Variants in COL21A1 observed in about 807,000 individuals in gnomAD.
COL21A1 encodes the protein collagen alpha-1(XXI) chain.
A neutral mutation model predicts 137.9 loss-of-function variants in COL21A1; 149 were observed. The ratio of observed to expected loss-of-function variants is 1.08; its 90% CI spans 0.95 to 1.24. The LOEUF (loss-of-function observed/expected upper bound fraction) is 1.24. COL21A1 is among the 50% of genes most tolerant of loss of function. The pLI is 0.00. For missense variants in COL21A1, 1,167 were observed against 1,158.4 expected, an observed-to-expected ratio of 1.01 and a Z score of -0.11; for synonymous variants, 456 against 391.5, an observed-to-expected ratio of 1.16 and a Z score of -1.95.
intron 1 of COL21A1, among the ~76,000 whole-genome samples, chr6:56,384,944 G>A (rs939936661): frequency 1.1e-4 from 16 of 152,194 alleles, no homozygotes; most frequent in Non-Finnish European, 2.4e-4. Flanking sequence ...GGTCACAATT[G>A]CAAGGATAGA....
chr6:56,102,751 T>C (rs2152170446), intron 16 of COL21A1, among the ~76,000 whole-genome samples: 1 of 152,290 alleles, frequency 6.6e-6, no homozygotes, highest in East Asian at 1.9e-4. Context: ...CTCCCACTTG[T>C]ATGAATTCCT....
chr6:56,087,568 A>T (rs1247249702), intron 17 of COL21A1, among the ~76,000 whole-genome samples: 1 of 152,206 alleles, frequency 6.6e-6, no homozygotes, highest in African/African-American at 2.4e-5. Flanking sequence ...CAGAAAAAGC[A>T]TTCTGTCATC....
chr6:56,189,196 A>G (rs1357601459), intron 1 of COL21A1, among the ~76,000 whole-genome samples: 1 of 152,092 alleles, frequency 6.6e-6, no homozygotes, highest in East Asian at 1.9e-4. Flanking sequence ...GTTCTAACCC[A>G]ATGTAAGGAA....
Position 56,158,266 on chromosome 6 carries a change from C to CTTT in COL21A1, c.1372-1320_1372-1318dup, listed in dbSNP as rs67453245. Among the ~76,000 whole-genome samples, 418 of 62,426 alleles carry CTTT rather than the reference C, an allele frequency of 6.7e-3. 19 individuals carry two copies. Among genetic ancestry groups the CTTT allele is most frequent in the Middle Eastern group, 0.015 (1 of 66 alleles). 41.0% of individuals were successfully genotyped at this position (62,426 alleles called of 152,430 possible). ...CGTGGGTTTTTTCTTTTTTTTTTTT[C>CTTT]TTTTTTTTTTTTTTTTTTTTTTCTG... On this transcript the variant is annotated intron_variant, in intron 9 of 29. Coordinates refer to ENST00000244728, the MANE Select transcript of COL21A1 (RefSeq NM_030820.4).
chr6:56,061,719 A>T (rs768904661), intron 24 of COL21A1, 38 bp from the exon 25 acceptor site: 1 of 1,426,944 alleles, frequency 7.0e-7, no homozygotes, highest in Non-Finnish European at 9.7e-7. Context: ...TAAATGTGCA[A>T]GCTACAGTAC....
At chr6:56,159,655 G>A (rs536487741) in intron 9 of COL21A1, among the ~76,000 whole-genome samples, 15 of 55,440 alleles carry the variant, frequency 2.7e-4, no homozygotes, top group African/African-American at 5.7e-4. Flanking sequence ...TTTTTTTTTT[G>A]GTACAATGCT....
intron 1 of COL21A1, among the ~76,000 whole-genome samples, chr6:56,275,680 C>T (rs1356153206): frequency 1.3e-5 from 2 of 151,976 alleles, no homozygotes; most frequent in African/African-American, 2.4e-5. Context: ...TAGATACCAT[C>T]TCACACCAGT....
chr6:56,144,313 T>C (rs1403261479), intron 10 of COL21A1, among the ~76,000 whole-genome samples: 9 of 152,184 alleles, frequency 5.9e-5, no homozygotes, highest in Admixed American at 5.9e-4. Context: ...CAGAAAGTGC[T>C]TTATGGCGGG....
intron 17 of COL21A1, chr6:56,091,463 T>C (rs1352093764): frequency 1.3e-5 from 2 of 152,620 alleles, no homozygotes; most frequent in Non-Finnish European, 2.9e-5. Context: ...ATAAAACTGC[T>C]AAGGCCATCC....
At chr6:56,139,987 A>T (rs1169936811) in intron 12 of COL21A1, among the ~76,000 whole-genome samples, 1 of 152,174 alleles carries the variant, frequency 6.6e-6, no homozygotes, top group African/African-American at 2.4e-5. Flanking sequence ...ATGAGTTTGT[A>T]CAGAGTCTGG....
intron 1 of COL21A1, among the ~76,000 whole-genome samples, chr6:56,305,241 T>C (rs1374231071): frequency 4.6e-5 from 7 of 152,168 alleles, no homozygotes; most frequent in Non-Finnish European, 8.8e-5. Context: ...TGTAGATGTC[T>C]ATTAGGTCTG....
At chr6:56,095,764 G>A (rs1447048522) in intron 17 of COL21A1, among the ~76,000 whole-genome samples, 1 of 152,170 alleles carries the variant, frequency 6.6e-6, no homozygotes, top group African/African-American at 2.4e-5. Context: ...ATTTGGCCAA[G>A]AGAGTTGTGT....
intron 9 of COL21A1, among the ~76,000 whole-genome samples, chr6:56,160,776 A>G (rs949200981): frequency 6.6e-6 from 1 of 152,240 alleles, no homozygotes; most frequent in Non-Finnish European, 1.5e-5. Context: ...AGTAATGTAA[A>G]TATAAATAAA....
chr6:56,085,486 T>C (rs556524292), intron 17 of COL21A1, among the ~76,000 whole-genome samples: 2 of 152,268 alleles, frequency 1.3e-5, no homozygotes, highest in Admixed American at 6.5e-5. Flanking sequence ...TCAAAGCTTA[T>C]TTAACCAGAC....
intron 1 of COL21A1, among the ~76,000 whole-genome samples, chr6:56,364,098 A>G (rs1324178281): frequency 6.6e-6 from 1 of 152,032 alleles, no homozygotes; most frequent in Non-Finnish European, 1.5e-5. Flanking sequence ...GAAAAAACAA[A>G]TATCTACATC....
intron 12 of COL21A1, among the ~76,000 whole-genome samples, chr6:56,137,061 C>G (rs957311483): frequency 1.3e-4 from 20 of 152,080 alleles, no homozygotes; most frequent in African/African-American, 2.2e-4. Flanking sequence ...AAAAGAAAGC[C>G]AGATTGGGAT....
intron 17 of COL21A1, among the ~76,000 whole-genome samples, chr6:56,100,978 G>C (rs1190354951): frequency 6.6e-6 from 1 of 152,164 alleles, no homozygotes; most frequent in African/African-American, 2.4e-5. Context: ...GCCACGAGTT[G>C]TAGGAATAAA....
chr6:56,374,898 T>C (rs1332624134), intron 1 of COL21A1, among the ~76,000 whole-genome samples: 1 of 152,062 alleles, frequency 6.6e-6, no homozygotes, highest in Non-Finnish European at 1.5e-5. Context: ...TTGGTGAGAT[T>C]CTTTAGACTC....
intron 17 of COL21A1, among the ~76,000 whole-genome samples, chr6:56,078,664 G>T (rs933954778): frequency 2.4e-4 from 36 of 151,586 alleles, no homozygotes; most frequent in African/African-American, 8.2e-4. Flanking sequence ...TGTGCTAATC[G>T]CAATTATAGG....
Sources: gnomAD v4.1 joint callset for allele counts (sites outside exome capture counted in the v4.1 genomes callset) on GRCh38, gnomAD v4.1.1 for gene constraint, MANE v1.5 for transcripts, NCBI Gene and HGNC (gene_info 2026-07-23, HGNC 2026-07-21) for gene names.